Variants in CNTN5 observed in about 807,000 individuals in gnomAD.
CNTN5 encodes the protein contactin-5.
A neutral mutation model predicts 129.1 loss-of-function variants in CNTN5; 77 were observed. The observed-to-expected ratio is 0.60, with a 90% CI of 0.50 to 0.72. CNTN5 has a LOEUF of 0.72. Among genes scored for constraint, CNTN5 ranks in the 30% least tolerant of loss-of-function variants. The pLI, the probability that CNTN5 is intolerant of heterozygous loss-of-function variation, is 0.00. For missense variants in CNTN5, 1,478 were observed against 1,328.8 expected (o/e 1.11, Z -1.75); for synonymous variants, 509 against 465.6 (o/e 1.09, Z -1.20).
At chr11:100,356,053 A>G in intron 24 of CNTN5, 64 bp from the exon 25 acceptor site, 2 of 1,089,126 alleles carry the variant, frequency 1.8e-6, no homozygotes, top group Non-Finnish European at 2.8e-6. Flanking sequence ...TACTAAAAAC[A>G]ATTCTGTCCT....
intron 3 of CNTN5, among the ~76,000 whole-genome samples, chr11:99,665,648 G>A (rs902485135): frequency 6.6e-6 from 1 of 151,432 alleles, no homozygotes; most frequent in Non-Finnish European, 1.5e-5. Flanking sequence ...CAACTTGCCC[G>A]GCTAATTTTT....
At chr11:100,240,117 T>C (rs1949705653) in intron 16 of CNTN5, among the ~76,000 whole-genome samples, 1 of 152,156 alleles carries the variant, frequency 6.6e-6, no homozygotes, top group African/African-American at 2.4e-5. Context: ...GTCAAGATAA[T>C]AAGCAGCATC....
chr11:99,478,851 T>C (rs1174158643), intron 2 of CNTN5, among the ~76,000 whole-genome samples: 2 of 152,188 alleles, frequency 1.3e-5, no homozygotes, highest in Non-Finnish European at 2.9e-5. Context: ...TTAATAGATA[T>C]ATTTCTATTA....
At chr11:100,308,511 G>A in intron 21 of CNTN5, 43 bp downstream of exon 21, 1 of 1,567,864 alleles carries the variant, frequency 6.4e-7, no homozygotes, top group Non-Finnish European at 8.7e-7. Context: ...TGTTTCTTCT[G>A]ACATCACATT....
intron 1 of CNTN5, among the ~76,000 whole-genome samples, chr11:99,297,953 T>C (rs1325907750): frequency 6.6e-6 from 1 of 152,276 alleles, no homozygotes; most frequent in Non-Finnish European, 1.5e-5. Context: ...GCAGTTTCTG[T>C]TGCGACTCCA....
chr11:99,306,347 G>A (rs1260599866), intron 1 of CNTN5, among the ~76,000 whole-genome samples: 2 of 151,848 alleles, frequency 1.3e-5, no homozygotes, highest in Non-Finnish European at 2.9e-5. Flanking sequence ...TAGGGTTATT[G>A]TGCATTCACA....
intron 13 of CNTN5, among the ~76,000 whole-genome samples, chr11:100,189,604 T>C (rs1948409916): frequency 6.6e-6 from 1 of 152,194 alleles, no homozygotes; most frequent in African/African-American, 2.4e-5. Context: ...TGCTTGTTTG[T>C]TTACAAAGAG....
intron 2 of CNTN5, among the ~76,000 whole-genome samples, chr11:99,346,530 T>A (rs1473569554): frequency 2.0e-5 from 3 of 152,028 alleles, no homozygotes; most frequent in Admixed American, 6.6e-5. Flanking sequence ...AGGTGTCAGC[T>A]CTCCCACAAG....
chr11:99,758,533 A>C (rs577468189), intron 3 of CNTN5, among the ~76,000 whole-genome samples: 135 of 152,170 alleles, frequency 8.9e-4, no homozygotes, highest in African/African-American at 3.2e-3. Context: ...TTTGTTCTTC[A>C]AGATGGTCTC....
chr11:99,496,173 A>T (rs1411486323), intron 2 of CNTN5, among the ~76,000 whole-genome samples: 4 of 152,204 alleles, frequency 2.6e-5, no homozygotes, highest in African/African-American at 4.8e-5. Flanking sequence ...GTAATCATGC[A>T]TCTATTTTTG....
At chr11:100,233,564 G>A (rs771170919) in intron 16 of CNTN5, among the ~76,000 whole-genome samples, 1 of 152,200 alleles carries the variant, frequency 6.6e-6, no homozygotes, top group East Asian at 1.9e-4. Flanking sequence ...AATAGTATTA[G>A]TAATGACTTT....
intron 15 of CNTN5, among the ~76,000 whole-genome samples, chr11:100,210,046 A>T (rs34869465): frequency 6.6e-6 from 1 of 151,840 alleles, no homozygotes. Context: ...AGGTTAAAAA[A>T]ATAGTCCAGC....
At chr11:99,526,452 A>G (rs1947489117) in intron 2 of CNTN5, among the ~76,000 whole-genome samples, 1 of 152,222 alleles carries the variant, frequency 6.6e-6, no homozygotes, top group African/African-American at 2.4e-5. Flanking sequence ...CTTTACAAAG[A>G]GATGAAATAG....
chr11:99,086,460 G>A (rs1399591744), intron 1 of CNTN5, among the ~76,000 whole-genome samples: 1 of 152,180 alleles, frequency 6.6e-6, no homozygotes. Flanking sequence ...ATTGCAGAAG[G>A]TGAAGTGGGG....
At chr11:99,910,754 C>A (rs1427917614) in intron 6 of CNTN5, among the ~76,000 whole-genome samples, 1 of 152,042 alleles carries the variant, frequency 6.6e-6, no homozygotes, top group Non-Finnish European at 1.5e-5. Flanking sequence ...TATTTTCATT[C>A]ATTTCCTTTT....
intron 2 of CNTN5, among the ~76,000 whole-genome samples, chr11:99,412,249 G>T (rs533950494): frequency 1.3e-5 from 2 of 152,198 alleles, no homozygotes; most frequent in South Asian, 4.2e-4. Context: ...CTGTACATTG[G>T]TGAGGGACAG....
intron 13 of CNTN5, among the ~76,000 whole-genome samples, chr11:100,087,805 A>T (rs932241888): frequency 2.0e-5 from 3 of 151,938 alleles, no homozygotes; most frequent in African/African-American, 7.2e-5. Flanking sequence ...CTACCCATTG[A>T]CCACACAATA....
chr11:99,809,885 T>G (rs897086806), intron 3 of CNTN5, among the ~76,000 whole-genome samples: 5 of 152,162 alleles, frequency 3.3e-5, no homozygotes, highest in Admixed American at 3.3e-4. Flanking sequence ...CAGTTAAAAC[T>G]TTACTGAAAT....
intron 1 of CNTN5, among the ~76,000 whole-genome samples, chr11:99,060,149 G>A (rs2135207715): frequency 6.6e-6 from 1 of 152,056 alleles, no homozygotes; most frequent in East Asian, 1.9e-4. Flanking sequence ...AGTAAATGTG[G>A]GTATGTATGG....
Sources: gnomAD v4.1 joint callset for allele counts (sites outside exome capture counted in the v4.1 genomes callset) on GRCh38, gnomAD v4.1.1 for gene constraint, MANE v1.5 for transcripts, NCBI Gene and HGNC (gene_info 2026-07-23, HGNC 2026-07-21) for gene names.